The following NAALADL2 variants were observed in gnomAD, a reference collection of about 807,000 sequenced individuals.
NAALADL2 encodes the protein inactive N-acetylated-alpha-linked acidic dipeptidase-like protein 2.
In NAALADL2, 76 loss-of-function variants were observed where a neutral mutation model predicts 87.2. The ratio of observed to expected loss-of-function variants is 0.87; its 90% CI spans 0.72 to 1.05. NAALADL2 has a LOEUF of 1.05. Among genes scored for constraint, NAALADL2 ranks in the 50% least tolerant of loss-of-function variants. NAALADL2 has a pLI of 0.00. For missense variants in NAALADL2, 1,089 were observed against 945.8 expected, an observed-to-expected ratio of 1.15 and a Z score of -1.99; for synonymous variants, 354 against 331.0, an observed-to-expected ratio of 1.07 and a Z score of -0.75.
At chr3:175,194,066 AG>A (rs1277256718) in intron 2 of NAALADL2, among the ~76,000 whole-genome samples, 2 of 151,934 alleles carry the variant, frequency 1.3e-5, no homozygotes, top group Admixed American at 1.3e-4. Context: ...TGAAAACTGA[AG>A]TGCAGAATGT....
At chr3:174,635,767 T>G (rs956327210) in intron 2 of NAALADL2, among the ~76,000 whole-genome samples, 1 of 152,136 alleles carries the variant, frequency 6.6e-6, no homozygotes, top group Non-Finnish European at 1.5e-5. Flanking sequence ...CCTCCCAAAG[T>G]GCTGGGATTA....
At chr3:175,229,096 A>G (rs1027703882) in intron 2 of NAALADL2, among the ~76,000 whole-genome samples, 1 of 151,962 alleles carries the variant, frequency 6.6e-6, no homozygotes, top group Non-Finnish European at 1.5e-5. Context: ...GCTGTTAACA[A>G]CATGAGAATG....
At chr3:175,583,413 A>G (rs767946567) in intron 10 of NAALADL2, among the ~76,000 whole-genome samples, 3 of 152,048 alleles carry the variant, frequency 2.0e-5, no homozygotes, top group Non-Finnish European at 4.4e-5. Flanking sequence ...TAATTGTTAC[A>G]TAAGCTTGTG....
intron 1 of NAALADL2, among the ~76,000 whole-genome samples, chr3:175,036,070 G>A (rs544585409): frequency 1.6e-4 from 25 of 152,242 alleles, no homozygotes; most frequent in Admixed American, 5.2e-4. Flanking sequence ...TTTGGAAAGC[G>A]TAATTTATTT....
intron 2 of NAALADL2, among the ~76,000 whole-genome samples, chr3:174,631,069 C>A (rs1722066649): frequency 6.6e-6 from 1 of 152,034 alleles, no homozygotes; most frequent in Admixed American, 6.5e-5. Context: ...CCTATAGATT[C>A]TGCACATATT....
At chr3:174,571,634 C>T (rs537356783) in intron 2 of NAALADL2, among the ~76,000 whole-genome samples, 15 of 152,256 alleles carry the variant, frequency 9.9e-5, no homozygotes, top group Non-Finnish European at 1.9e-4. Flanking sequence ...CTGCCTCGGC[C>T]TCCCAAAGTG....
chr3:175,111,094 A>G (rs535768533), intron 2 of NAALADL2, among the ~76,000 whole-genome samples: 2 of 151,822 alleles, frequency 1.3e-5, no homozygotes, highest in African/African-American at 4.8e-5. Context: ...CAGTTGAGAA[A>G]TGACTATTCA....
chr3:175,472,636 G>C lies in NAALADL2; in HGVS notation c.1653+878G>C, dbSNP rs368258908. ...GAGCTTTGAATGAGCCATAATTTTTGATTGAAGTGTAATGCAAACTAAACA... is the reference window on the plus strand; with the variant it reads ...GAGCTTTGAATGAGCCATAATTTTTCATTGAAGTGTAATGCAAACTAAACA... On this transcript the variant is annotated intron_variant, in intron 9 of 13. Coordinates refer to ENST00000454872, the MANE Select transcript of NAALADL2 (RefSeq NM_207015.3). 1.3e-3 allele frequency among the ~76,000 whole-genome samples: 203 copies of C among 152,234 alleles called. 2 individuals carry two copies. Among genetic ancestry groups the C allele is most frequent in the African/African-American group, 4.6e-3 (192 of 41,544 alleles).
intron 1 of NAALADL2, among the ~76,000 whole-genome samples, chr3:175,007,791 A>G (rs1042623638): frequency 1.3e-5 from 2 of 152,172 alleles, no homozygotes; most frequent in Non-Finnish European, 2.9e-5. Flanking sequence ...TAAATTAGGC[A>G]TAGAAAGAGA....
chr3:174,575,957 G>A (rs1239748207), intron 2 of NAALADL2, among the ~76,000 whole-genome samples: 4 of 152,098 alleles, frequency 2.6e-5, no homozygotes, highest in Admixed American at 1.3e-4. Context: ...TCCACTTCCC[G>A]GGTTAAAGCG....
intron 10 of NAALADL2, among the ~76,000 whole-genome samples, chr3:175,584,364 G>A (rs1720240101): frequency 6.6e-6 from 1 of 151,378 alleles, no homozygotes; most frequent in African/African-American, 2.5e-5. Flanking sequence ...TTATAGATGA[G>A]GAAACTGAGC....
chr3:175,266,247 A>G (rs2109957055), intron 4 of NAALADL2, among the ~76,000 whole-genome samples: 1 of 151,242 alleles, frequency 6.6e-6, no homozygotes, highest in South Asian at 2.1e-4. Flanking sequence ...TAACCATCTA[A>G]CATCTTAATT....
chr3:175,737,474 A>T, intron 12 of NAALADL2, 75 bp downstream of exon 12: 1 of 887,678 alleles, frequency 1.1e-6, no homozygotes, highest in Middle Eastern at 2.5e-4. Context: ...GAATGGATGA[A>T]GTCATCAATG....
intron 13 of NAALADL2, among the ~76,000 whole-genome samples, chr3:175,797,640 T>C (rs867726512): frequency 3.9e-5 from 6 of 152,122 alleles, no homozygotes; most frequent in African/African-American, 1.4e-4. Context: ...TTCCTAGTCT[T>C]TCCCAATCTG....
chr3:174,882,386 G>C (rs1003741796), intron 1 of NAALADL2, among the ~76,000 whole-genome samples: 5 of 151,516 alleles, frequency 3.3e-5, no homozygotes, highest in African/African-American at 1.2e-4. Flanking sequence ...GGGTTCTCTA[G>C]AGGAACGGAA....
At chr3:175,332,672 T>G (rs1761536288) in intron 5 of NAALADL2, among the ~76,000 whole-genome samples, 1 of 152,204 alleles carries the variant, frequency 6.6e-6, no homozygotes, top group Admixed American at 6.5e-5. Context: ...CATGGAAAAT[T>G]TTCTACATGC....
At chr3:175,772,618 T>C (rs1236329051) in intron 13 of NAALADL2, among the ~76,000 whole-genome samples, 1 of 152,166 alleles carries the variant, frequency 6.6e-6, no homozygotes, top group Non-Finnish European at 1.5e-5. Flanking sequence ...ACTAAAGTCC[T>C]TCCTCATAGG....
chr3:174,962,642 T>C (rs1040019264), intron 1 of NAALADL2, among the ~76,000 whole-genome samples: 1 of 151,868 alleles, frequency 6.6e-6, no homozygotes, highest in African/African-American at 2.4e-5. Flanking sequence ...GACTCTTACC[T>C]CAGAGAGATA....
intron 1 of NAALADL2, among the ~76,000 whole-genome samples, chr3:174,482,911 C>T (rs1056266888): frequency 6.6e-6 from 1 of 152,034 alleles, no homozygotes; most frequent in Non-Finnish European, 1.5e-5. Flanking sequence ...CATATCACTA[C>T]CTCTTTCTTT....
Sources: gnomAD v4.1 joint callset for allele counts (sites outside exome capture counted in the v4.1 genomes callset) on GRCh38, gnomAD v4.1.1 for gene constraint, MANE v1.5 for transcripts, NCBI Gene and HGNC (gene_info 2026-07-23, HGNC 2026-07-21) for gene names.